Variants in DNM3 observed in about 807,000 individuals in gnomAD.
The protein encoded by DNM3 is dynamin 3, also known as dynamin-3.
DNM3 carries 47 observed loss-of-function variants against 101.6 expected under a neutral mutation model. The observed-to-expected ratio is 0.46, with a 90% confidence interval of 0.37 to 0.59. DNM3 has a LOEUF of 0.59. DNM3 is among the 20% of genes least tolerant of loss of function. The pLI, the probability that DNM3 is intolerant of heterozygous loss-of-function variation, is 0.00. For synonymous variants in DNM3, 385 were observed against 387.9 expected (o/e 0.99, Z 0.09); for missense variants, 849 against 1,085.7 (o/e 0.78, Z 3.06).
In DNM3 at chr1:172,387,340, T is replaced by C. The variant is rs150055204; in HGVS notation, c.2266T>C (p.Trp756Arg). The C allele has an allele frequency of 1.2e-6, 2 of 1,613,588 alleles. No individual in the cohort carries two copies. The highest frequency in any genetic ancestry group is 2.2e-5 in the East Asian group (1 of 44,844). The part of the protein sequence containing the change: ...TPAPPPVDDS[W>R]IQHSRRSPPP... ...GGCACCCCCTCCAGTGGATGACTCCTGGATACAGCACTCTCGCAGGTAAGA... is the reference window on the plus strand; with the variant it reads ...GGCACCCCCTCCAGTGGATGACTCCCGGATACAGCACTCTCGCAGGTAAGA... Residue 756 changes from tryptophan to arginine, a missense_variant, in exon 19 of 21, where the codon TGG becomes CGG. This residue lies in a region of DNM3 where 256 missense variants were observed against 311.7 expected (regional missense o/e 0.82). Coordinates refer to ENST00000627582, the MANE Select transcript of DNM3 (RefSeq NM_015569.5).
chr1:172,376,141 T>A (rs370191803), intron 17 of DNM3: 1 of 152,146 alleles, frequency 6.6e-6, no homozygotes, highest in South Asian at 2.1e-4. Context: ...TTTACAATGC[T>A]GGTGTTTTTA....
intron 4 of DNM3, among the ~76,000 whole-genome samples, chr1:171,999,339 A>T (rs1056677519): frequency 1.4e-4 from 22 of 152,170 alleles, no homozygotes; most frequent in Admixed American, 2.0e-4. Flanking sequence ...GATGACTCCA[A>T]GGGTTTTACC....
chr1:172,246,240 G>A (rs150315188), intron 14 of DNM3, among the ~76,000 whole-genome samples: 200 of 152,180 alleles, frequency 1.3e-3, no homozygotes, highest in African/African-American at 4.6e-3. Context: ...CCCTATCAAC[G>A]GGCATTCCAG....
chr1:172,322,774 C>G (rs2065776544), intron 16 of DNM3, among the ~76,000 whole-genome samples: 1 of 152,014 alleles, frequency 6.6e-6, no homozygotes, highest in Admixed American at 6.6e-5. Context: ...GTCTGCTTAC[C>G]CTGTCTCCCT....
At chr1:172,041,519 G>A (rs1008150740) in intron 7 of DNM3, among the ~76,000 whole-genome samples, 2 of 152,158 alleles carry the variant, frequency 1.3e-5, no homozygotes, top group Admixed American at 6.6e-5. Context: ...AAAGCGGAAG[G>A]TGTGGAGAAA....
chr1:171,841,692 G>C lies in DNM3; in HGVS notation c.36G>C (p.Leu12=). The C allele has an allele frequency of 6.2e-7, 1 of 1,612,010 alleles. No individual in the cohort carries two copies. Among genetic ancestry groups the C allele is most frequent in the Non-Finnish European group, 8.5e-7 (1 of 1,179,384 alleles). The part of the protein sequence containing the change: ...GNREMEELIP[L]VNRLQDAFSA... The stretch of plus-strand genomic sequence containing the variant: ...GGGAGATGGAGGAGCTGATCCCGCT[G>C]GTGAACCGTCTGCAGGACGCGTTTT... The change falls in exon 1 of 21, where the codon CTG becomes CTC. Residue 12 remains leucine, a synonymous_variant. Transcript: ENST00000627582.
In DNM3 at chr1:171,987,803, A is replaced by T; in HGVS notation, c.383A>T (p.His128Leu). Residue 128 changes from histidine (H) to leucine (L), a missense_variant and splice_region_variant, in exon 3 of 21, where the codon CAC (histidine) becomes CTC (leucine). Coordinates refer to ENST00000627582, the MANE Select transcript of DNM3 (RefSeq NM_015569.5). ...ATTAATTTACGAGTCTATTCCCCAC[A>T]CGGTAAGTAAAATAATAAAATTCCA... is the stretch of plus-strand genomic sequence containing the variant. ...IPINLRVYSP[H>L]VLNLTLIDLP... The T allele has an allele frequency of 3.2e-6, 5 of 1,545,738 alleles. No individual in the cohort carries two copies. The highest frequency in any genetic ancestry group is 4.3e-6 in the Non-Finnish European group (5 of 1,152,570).
chr1:171,940,628 G>C (rs2041749832), intron 2 of DNM3, among the ~76,000 whole-genome samples: 1 of 152,154 alleles, frequency 6.6e-6, no homozygotes, highest in African/African-American at 2.4e-5. Flanking sequence ...ATCTCTGTAA[G>C]GCATGTTGAA....
intron 15 of DNM3, among the ~76,000 whole-genome samples, chr1:172,283,391 CTTTCTTGTGGCTAA>C (rs2063562330): frequency 6.6e-6 from 1 of 151,944 alleles, no homozygotes; most frequent in Non-Finnish European, 1.5e-5. Context: ...ACCTTATATT[CTTTCTTGTGGCTAA>C]TTTCTCCATT....
At position 172,409,651 on chromosome 1, in the gene DNM3, TTAAAATAGTGTCTCAGCTAA is replaced by T; in HGVS notation, c.*1811_*1830del. ...AATGTGCAAGATACATACTGCATTT[TTAAAATAGTGTCTCAGCTAA>T]ATGGAAAACTGTTAAGCAAACATCC... On this transcript the variant is annotated 3_prime_UTR_variant, in exon 21 of 21. Coordinates refer to ENST00000627582, the MANE Select transcript of DNM3 (RefSeq NM_015569.5). The T allele has an allele frequency of 5.1e-6, 5 of 985,738 alleles. No individual in the cohort carries two copies. The highest frequency in any genetic ancestry group is 6.0e-6 in the Non-Finnish European group (5 of 829,844). The allele number at this position is 985,738 out of a possible 1,614,324, so 61.1% of individuals were successfully genotyped here.
At chr1:172,181,396 A>T in intron 14 of DNM3, among the ~76,000 whole-genome samples, 1 of 151,384 alleles carries the variant, frequency 6.6e-6, no homozygotes, top group Non-Finnish European at 1.5e-5. Flanking sequence ...ACACACACAC[A>T]CACACACACA....
At position 172,401,251 on chromosome 1, in the gene DNM3, G is replaced by T. The variant is rs1014000467; in HGVS notation, c.2523-6521G>T. On this transcript the variant is annotated intron_variant, in intron 20 of 20. Transcript: ENST00000627582. ...ATTCTATTGAAAAGCTTGCCTGAGT[G>T]AATGTTGTAAAATTCTTTTTACAGA... is the stretch of plus-strand genomic sequence containing the variant. 2.0e-5 allele frequency among the ~76,000 whole-genome samples: 3 copies of T among 152,164 alleles called. No individual in the cohort carries two copies. The East Asian group carries it at 5.8e-4, about 29-fold the overall frequency.
chr1:171,987,315 C>A (rs2125614065), intron 2 of DNM3: 1 of 985,236 alleles, frequency 1.0e-6, no homozygotes. Context: ...AGAGGTATCC[C>A]AGATCTAATG....
At chr1:172,366,476 G>A (rs1396946366) in intron 17 of DNM3, 1 of 151,828 alleles carries the variant, frequency 6.6e-6, no homozygotes, top group East Asian at 1.9e-4. Context: ...CAAATGGCCA[G>A]TAAGTTAATA....
At chr1:172,236,503 T>C (rs2061551738) in intron 14 of DNM3, among the ~76,000 whole-genome samples, 1 of 152,122 alleles carries the variant, frequency 6.6e-6, no homozygotes, top group East Asian at 1.9e-4. Flanking sequence ...CTGCGATTTA[T>C]CATTGTATAT....
intron 16 of DNM3, among the ~76,000 whole-genome samples, chr1:172,322,419 G>C (rs996475363): frequency 6.6e-6 from 1 of 152,196 alleles, no homozygotes; most frequent in Non-Finnish European, 1.5e-5. Flanking sequence ...CTGACCTTGT[G>C]AGGACTTGGG....
intron 1 of DNM3, among the ~76,000 whole-genome samples, chr1:171,863,112 G>C (rs1174288718): frequency 6.6e-6 from 1 of 151,224 alleles, no homozygotes; most frequent in Non-Finnish European, 1.5e-5. Flanking sequence ...GGAGATATTA[G>C]AGCATTTTTG....
chr1:171,912,064 C>G (rs1388070880), intron 1 of DNM3, among the ~76,000 whole-genome samples: 1 of 152,076 alleles, frequency 6.6e-6, no homozygotes, highest in Non-Finnish European at 1.5e-5. Context: ...GCAGCAAAAC[C>G]CAGCTCAGTT....
chr1:172,171,496 CCT>C (rs1263964783), intron 14 of DNM3, among the ~76,000 whole-genome samples: 1 of 151,716 alleles, frequency 6.6e-6, no homozygotes, highest in Non-Finnish European at 1.5e-5. Flanking sequence ...TATGACTGCA[CCT>C]ACCTATTTAC....
Sources: allele counts gnomAD v4.1 joint callset (sites outside exome capture counted in the v4.1 genomes callset), GRCh38; gene constraint gnomAD v4.1.1; regional missense constraint gnomAD v4.1.1; transcripts MANE v1.5; gene names NCBI Gene and HGNC (gene_info 2026-07-23, HGNC 2026-07-21).